Variants in KIF6 observed in about 807,000 individuals in gnomAD.
KIF6 encodes kinesin family member 6.
A neutral mutation model predicts 112.7 loss-of-function variants in KIF6; 106 were observed. The observed-to-expected ratio is 0.94, with a 90% CI of 0.80 to 1.11. The LOEUF (loss-of-function observed/expected upper bound fraction) is 1.11. KIF6 is among the 50% of genes least tolerant of loss of function. The pLI, the probability that KIF6 is intolerant of heterozygous loss-of-function variation, is 0.00. For missense variants in KIF6, 929 were observed against 964.0 expected (o/e 0.96, Z 0.48); for synonymous variants, 339 against 339.9 (o/e 1.00, Z 0.03).
At chr6:39,467,595 G>A (rs1773867578) in intron 13 of KIF6, among the ~76,000 whole-genome samples, 1 of 152,098 alleles carries the variant, frequency 6.6e-6, no homozygotes, top group Admixed American at 6.6e-5. Flanking sequence ...AAAATCATAG[G>A]CTAACGCTAA....
intron 13 of KIF6, among the ~76,000 whole-genome samples, chr6:39,495,472 C>G (rs928739350): frequency 6.6e-6 from 1 of 152,160 alleles, no homozygotes; most frequent in Non-Finnish European, 1.5e-5. Flanking sequence ...GAGGCGATTG[C>G]CATCTTAATA....
chr6:39,683,225 T>C (rs915172441), intron 3 of KIF6, among the ~76,000 whole-genome samples: 5 of 152,170 alleles, frequency 3.3e-5, no homozygotes, highest in Non-Finnish European at 7.3e-5. Flanking sequence ...GGCTAGTGAA[T>C]GGTGACTGGA....
Position 39,346,484 on chromosome 6 carries a change from G to A in KIF6, c.2223C>T (p.Phe741=), listed in dbSNP as rs556461887. Residue 741 remains phenylalanine (F), a synonymous_variant, in exon 20 of 23, where the codon TTC becomes TTT. Transcript: ENST00000287152. ...WEVQDQGTGR[F]DVCDVNARKI... ...GGGAAGGGGGTCCTCACCAGACATC[G>A]AATCTGCCAGTGCCTTGATCTTGGA... 7.1e-5 allele frequency: 51 copies of A among 715,866 alleles called. No homozygotes were observed. The highest frequency in any genetic ancestry group is 3.6e-4 in the South Asian group (24 of 67,430). 44.3% of individuals were successfully genotyped at this position (715,866 alleles called of 1,614,324 possible).
At chr6:39,643,568 A>G (rs1785015716) in intron 3 of KIF6, among the ~76,000 whole-genome samples, 1 of 152,180 alleles carries the variant, frequency 6.6e-6, no homozygotes, top group Non-Finnish European at 1.5e-5. Flanking sequence ...TATTCAATGG[A>G]GGAAAGAATG....
At chr6:39,406,499 T>G (rs1426432607) in intron 15 of KIF6, among the ~76,000 whole-genome samples, 1 of 152,186 alleles carries the variant, frequency 6.6e-6, no homozygotes, top group Non-Finnish European at 1.5e-5. Flanking sequence ...TTCCTTCCAC[T>G]TGCTTTGGAA....
chr6:39,577,613 T>C (rs925595775), intron 10 of KIF6, among the ~76,000 whole-genome samples: 5 of 152,198 alleles, frequency 3.3e-5, no homozygotes, highest in African/African-American at 1.2e-4. Context: ...AGCTATAATA[T>C]ATGGGCCATC....
intron 15 of KIF6, among the ~76,000 whole-genome samples, chr6:39,399,489 A>C (rs530947304): frequency 1.6e-3 from 243 of 152,346 alleles, no homozygotes; most frequent in African/African-American, 5.6e-3. Context: ...CTTTTGAGGA[A>C]AGATGGAACA....
chr6:39,411,869 T>C (rs756228252), intron 15 of KIF6, among the ~76,000 whole-genome samples: 2 of 152,220 alleles, frequency 1.3e-5, no homozygotes, highest in Non-Finnish European at 2.9e-5. Context: ...CCTGGGAGGA[T>C]GTGCCATGGA....
chr6:39,672,980 C>T (rs1786922437), intron 3 of KIF6, among the ~76,000 whole-genome samples: 1 of 152,146 alleles, frequency 6.6e-6, no homozygotes, highest in African/African-American at 2.4e-5. Flanking sequence ...AAAGTGCCAG[C>T]TCAGAAAATA....
intron 13 of KIF6, among the ~76,000 whole-genome samples, chr6:39,503,503 G>A (rs1477106309): frequency 3.3e-5 from 5 of 149,952 alleles, no homozygotes; most frequent in Admixed American, 6.6e-5. Context: ...ACAGAAACAC[G>A]AAAACCCCTT....
intron 15 of KIF6, among the ~76,000 whole-genome samples, chr6:39,397,023 G>A (rs1005345622): frequency 1.3e-5 from 2 of 152,108 alleles, no homozygotes; most frequent in Non-Finnish European, 2.9e-5. Flanking sequence ...GCCTCTCTCC[G>A]CCTCGGTGGG....
At chr6:39,593,877 C>T (rs1197168550) in intron 7 of KIF6, among the ~76,000 whole-genome samples, 1 of 152,198 alleles carries the variant, frequency 6.6e-6, no homozygotes, top group Non-Finnish European at 1.5e-5. Context: ...ACTCCTTTTA[C>T]TTTCTCTTCA....
At chr6:39,440,660 G>A (rs1771861691) in intron 13 of KIF6, among the ~76,000 whole-genome samples, 1 of 152,124 alleles carries the variant, frequency 6.6e-6, no homozygotes, top group Admixed American at 6.5e-5. Flanking sequence ...CCCTGAGTGT[G>A]TGGAGAAGGT....
chr6:39,383,894 T>C (rs762881495), intron 16 of KIF6, among the ~76,000 whole-genome samples: 1 of 152,208 alleles, frequency 6.6e-6, no homozygotes, highest in Non-Finnish European at 1.5e-5. Context: ...CATTCCTAGG[T>C]ATTTTAATTT....
chr6:39,585,274 T>C (rs1055851290), intron 8 of KIF6, among the ~76,000 whole-genome samples: 3 of 152,216 alleles, frequency 2.0e-5, no homozygotes, highest in African/African-American at 7.2e-5. Context: ...TCATCAGGCA[T>C]TAGATTCTCA....
intron 13 of KIF6, among the ~76,000 whole-genome samples, chr6:39,477,967 C>T (rs1774534535): frequency 6.6e-6 from 1 of 152,098 alleles, no homozygotes; most frequent in South Asian, 2.1e-4. Context: ...ATGGTTACTA[C>T]AGCAAAATAA....
intron 7 of KIF6, among the ~76,000 whole-genome samples, chr6:39,590,891 A>C (rs1781914055): frequency 6.6e-6 from 1 of 152,226 alleles, no homozygotes; most frequent in Non-Finnish European, 1.5e-5. Flanking sequence ...TTAGATTAGA[A>C]GGAAACAAAA....
Position 39,342,474 on chromosome 6 carries a change from G to C in KIF6, c.2428+1235C>G, listed in dbSNP as rs1763373352. 6.6e-6 allele frequency among the ~76,000 whole-genome samples: 1 copy of C among 152,162 alleles called. No individual in the cohort carries two copies. Among genetic ancestry groups the C allele is most frequent in the African/African-American group, 2.4e-5 (1 of 41,420 alleles). On this transcript the variant is annotated intron_variant, in intron 22 of 22. Coordinates refer to ENST00000287152, the MANE Select transcript of KIF6 (RefSeq NM_145027.6). The surrounding 1 kb of genome is among the most constrained non-coding windows in gnomAD (Gnocchi z 4.7). ...GCACTAGTAGTAGTGCCTGGCATAA[G>C]AAGGCACCCAACATATACAGTGTTT... is the stretch of plus-strand genomic sequence containing the variant.
intron 13 of KIF6, among the ~76,000 whole-genome samples, chr6:39,502,417 T>C (rs908480023): frequency 1.3e-5 from 2 of 152,112 alleles, no homozygotes; most frequent in South Asian, 4.2e-4. Context: ...CCAGTGACAC[T>C]ATGAAGCAAT....
Sources: allele counts gnomAD v4.1 joint callset (sites outside exome capture counted in the v4.1 genomes callset), GRCh38; gene constraint gnomAD v4.1.1; non-coding constraint Gnocchi (gnomAD v3.1); transcripts MANE v1.5; gene names NCBI Gene and HGNC (gene_info 2026-07-23, HGNC 2026-07-21).